EIF2AK2: variants seen among roughly 807,000 people sequenced by gnomAD.
EIF2AK2 encodes eukaryotic translation initiation factor 2 alpha kinase 2.
EIF2AK2 carries 40 observed loss-of-function variants against 70.5 expected under a neutral mutation model. That is an observed-to-expected ratio of 0.57 (90% CI 0.44 to 0.74). EIF2AK2 has a LOEUF of 0.74. Among genes scored for constraint, EIF2AK2 ranks in the 30% least tolerant of loss-of-function variants. The pLI, the probability that EIF2AK2 is intolerant of heterozygous loss-of-function variation, is 0.00. For missense variants in EIF2AK2, 555 were observed against 644.3 expected, an observed-to-expected ratio of 0.86 and a Z score of 1.50; for synonymous variants, 198 against 220.9, an observed-to-expected ratio of 0.90 and a Z score of 0.92.
At chr2:37,154,152 C>G (rs112353519) in intron 1 of EIF2AK2, among the ~76,000 whole-genome samples, 2 of 151,954 alleles carry the variant, frequency 1.3e-5, no homozygotes, top group Non-Finnish European at 2.9e-5. Context: ...CATGGAGAAA[C>G]CCCATCTCTA....
chr2:37,135,452 C>T (rs1558422070), intron 10 of EIF2AK2, 32 bp downstream of exon 10: 4 of 1,564,296 alleles, frequency 2.6e-6, no homozygotes, highest in Non-Finnish European at 3.5e-6. Context: ...CAGCATTACC[C>T]CTTCTTCTTT....
intron 8 of EIF2AK2, 49 bp from the exon 9 acceptor site, chr2:37,137,066 T>A: frequency 2.0e-6 from 3 of 1,524,804 alleles, no homozygotes; most frequent in Non-Finnish European, 2.7e-6. Flanking sequence ...AAATCAGTCA[T>A]CTTCCTTTCC....
intron 15 of EIF2AK2, among the ~76,000 whole-genome samples, chr2:37,108,425 G>A (rs780943286): frequency 8.5e-5 from 13 of 152,142 alleles, no homozygotes; most frequent in Non-Finnish European, 1.8e-4. Flanking sequence ...CAGCTTAGAT[G>A]TCTCCATGAA....
At chr2:37,117,427 T>C (rs1674383987) in intron 13 of EIF2AK2, among the ~76,000 whole-genome samples, 1 of 151,230 alleles carries the variant, frequency 6.6e-6, no homozygotes, top group South Asian at 2.1e-4. Context: ...GTCCCAGCTA[T>C]GTGGGGGGCC....
At chr2:37,139,817 G>A (rs1675266021) in intron 5 of EIF2AK2, 60 bp from the exon 6 acceptor site, 10 of 1,517,296 alleles carry the variant, frequency 6.6e-6, no homozygotes, top group Middle Eastern at 1.9e-4. Flanking sequence ...ATCCAACTTA[G>A]GATTCAAAAA....
intron 14 of EIF2AK2, among the ~76,000 whole-genome samples, chr2:37,111,876 AAAATATATATATATATATATATAT>A (rs1435018458): frequency 1.5e-4 from 7 of 46,140 alleles, no homozygotes; most frequent in African/African-American, 4.3e-4. Context: ...AAAAAAAAAA[AAAATATATATATATATATATATAT>A]ATATATATAT....
chr2:37,107,890 A>C (rs1296173217), intron 15 of EIF2AK2, among the ~76,000 whole-genome samples: 2 of 152,086 alleles, frequency 1.3e-5, no homozygotes, highest in African/African-American at 4.8e-5. Context: ...TCACACCTGT[A>C]ATCCCAACAC....
intron 12 of EIF2AK2, among the ~76,000 whole-genome samples, chr2:37,121,469 G>C (rs1237175675): frequency 6.6e-6 from 1 of 151,934 alleles, no homozygotes; most frequent in Non-Finnish European, 1.5e-5. Context: ...ACCTAGAGAT[G>C]AGAAAATCAG....
At chr2:37,109,143 G>T (rs769042439) in intron 15 of EIF2AK2, 51 bp downstream of exon 15, 1 of 1,544,964 alleles carries the variant, frequency 6.5e-7, no homozygotes, top group South Asian at 1.1e-5. Context: ...CACTCTGAAG[G>T]TGGTAGTCAG....
chr2:37,119,918 A>G lies in EIF2AK2; in HGVS notation c.1248+41T>C, dbSNP rs750549637. 7.3e-6 allele frequency: 8 copies of G among 1,090,436 alleles called. No homozygotes were observed. The South Asian group carries it at 2.7e-4, about 37-fold the overall frequency. The allele number at this position is 1,090,436 out of a possible 1,614,324, so 67.5% of individuals were successfully genotyped here. On this transcript the variant is annotated intron_variant, in intron 13 of 16. Transcript: ENST00000233057. ...AGAAGATATATTTTAAAATTACTAT[A>G]TTATATATATATCAATTAATAAAGT...
At chr2:37,154,937 AT>A (rs34658468) in intron 1 of EIF2AK2, among the ~76,000 whole-genome samples, 30,357 of 146,616 alleles carry the variant, frequency 0.21, 3,328 homozygotes, top group Admixed American at 0.33. Context: ...CTTTTCTTCT[AT>A]TTTTTTTTTT....
At chr2:37,151,087 CAG>C (rs1235882211) in intron 1 of EIF2AK2, among the ~76,000 whole-genome samples, 2 of 152,130 alleles carry the variant, frequency 1.3e-5, no homozygotes, top group Admixed American at 1.3e-4. Context: ...CAAAAGAAAA[CAG>C]AGATAAATTG....
intron 10 of EIF2AK2, among the ~76,000 whole-genome samples, chr2:37,128,225 T>C (rs1326171003): frequency 6.6e-6 from 1 of 152,228 alleles, no homozygotes; most frequent in Non-Finnish European, 1.5e-5. Context: ...CCCGCCCCAC[T>C]GATGCAAACA....
At chr2:37,141,755 T>G (rs1675341762) in intron 4 of EIF2AK2, 54 bp from the exon 5 acceptor site, 1 of 1,495,592 alleles carries the variant, frequency 6.7e-7, no homozygotes, top group African/African-American at 1.4e-5. Context: ...GATTTAACCT[T>G]TTAAAAATCA....
At position 37,107,391 on chromosome 2, in the gene EIF2AK2, G is replaced by T. The variant is rs779631229; in HGVS notation, c.1538C>A (p.Thr513Asn). Residue 513 changes from threonine to asparagine, a missense_variant, in exon 17 of 17, where the codon ACT becomes AAT. This residue lies in a region of EIF2AK2 where 299 missense variants were observed against 375.4 expected (regional missense o/e 0.80). Transcript: ENST00000233057. ...ISDIFDKKEK[T>N]LLQKLLSKKP... ...CTTTGAGAGTAATTTCTGTAGAAGA[G>T]TTTTCTGCAATGACAGTGAGAGTCA... 1.2e-6 allele frequency: 2 copies of T among 1,613,334 alleles called. No individual in the cohort carries two copies. The highest frequency in any genetic ancestry group is 3.3e-5 in the Admixed American group (2 of 59,876).
intron 12 of EIF2AK2, 125 bp downstream of exon 12, chr2:37,122,381 G>A (rs1674584580): frequency 1.9e-6 from 2 of 1,037,976 alleles, no homozygotes; most frequent in South Asian, 3.4e-5. Flanking sequence ...AGAGATAACA[G>A]TGTCTCTCAG....
At chr2:37,125,543 T>G (rs1423193570) in intron 11 of EIF2AK2, among the ~76,000 whole-genome samples, 1 of 152,146 alleles carries the variant, frequency 6.6e-6, no homozygotes, top group Non-Finnish European at 1.5e-5. Context: ...AGCCACCAAG[T>G]TGTAAGAAGC....
intron 10 of EIF2AK2, among the ~76,000 whole-genome samples, chr2:37,133,480 C>G (rs1364736557): frequency 6.6e-6 from 1 of 152,132 alleles, no homozygotes; most frequent in East Asian, 1.9e-4. Context: ...CCCCCAATTC[C>G]CCCCTCACAC....
chr2:37,146,787 TCA>T lies in EIF2AK2; in HGVS notation c.240+64_240+65del, dbSNP rs1482274252. ...CTTTACTCTGTATGAAAGTATTTTC[TCA>T]CAGAGAGAAACAGAAAATGTATTTG... On this transcript the variant is annotated intron_variant, in intron 4 of 16. Transcript: ENST00000233057. 9.5e-6 allele frequency: 15 copies of T among 1,575,976 alleles called. No homozygotes were observed. The Admixed American group carries it at 1.1e-4, about 11-fold the overall frequency.
Sources: allele counts gnomAD v4.1 joint callset (sites outside exome capture counted in the v4.1 genomes callset), GRCh38; gene constraint gnomAD v4.1.1; regional missense constraint gnomAD v4.1.1; transcripts MANE v1.5; gene names NCBI Gene and HGNC (gene_info 2026-07-23, HGNC 2026-07-21).